SERPING1: variants seen among roughly 807,000 people sequenced by gnomAD.
SERPING1 encodes the protein serpin family G member 1, also known as plasma protease C1 inhibitor.
In SERPING1, 5 loss-of-function variants were observed where a neutral mutation model predicts 34.1. The ratio of observed to expected loss-of-function variants is 0.15; its 90% CI spans 0.08 to 0.31. The LOEUF is 0.31. Ranked by LOEUF, SERPING1 falls within the 10% of genes least tolerant of loss-of-function variation. SERPING1 has a pLI of 1.00. For synonymous variants in SERPING1, 225 were observed against 242.4 expected (o/e 0.93, Z 0.67); for missense variants, 505 against 609.5 (o/e 0.83, Z 1.81).
chr11:57,613,185 A>G (rs1945500413), intron 7 of SERPING1, among the ~76,000 whole-genome samples: 1 of 152,206 alleles, frequency 6.6e-6, no homozygotes. Flanking sequence ...TTTTCATTCA[A>G]CACTTCTGGC....
At chr11:57,599,073 A>T (rs1945318440) in intron 2 of SERPING1, among the ~76,000 whole-genome samples, 1 of 151,946 alleles carries the variant, frequency 6.6e-6, no homozygotes, top group Non-Finnish European at 1.5e-5. Context: ...ACTAGTTAAT[A>T]TGTGTCGGTA....
intron 5 of SERPING1, 82 bp from the exon 6 acceptor site, chr11:57,606,326 A>C: frequency 6.3e-7 from 1 of 1,599,050 alleles, no homozygotes; most frequent in Non-Finnish European, 8.6e-7. Context: ...TCCCTGCACT[A>C]CTCTTTGCTA....
chr11:57,599,764 T>G, intron 2 of SERPING1, 115 bp from the exon 3 acceptor site: 1 of 1,450,880 alleles, frequency 6.9e-7, no homozygotes, highest in South Asian at 1.2e-5. Flanking sequence ...TGTCAGAAAT[T>G]ACTCTCTTGT....
chr11:57,606,906 C>A, intron 6 of SERPING1: 1 of 512,038 alleles, frequency 2.0e-6, no homozygotes, highest in Non-Finnish European at 3.8e-6. Context: ...CTGTGTACAG[C>A]ATACATATAC....
chr11:57,603,565 G>T (rs35382428), intron 4 of SERPING1, among the ~76,000 whole-genome samples: 1 of 150,952 alleles, frequency 6.6e-6, no homozygotes, highest in African/African-American at 2.4e-5. Flanking sequence ...AAGGCCGGGC[G>T]CGGTGGCTCA....
rs778966956 is a variant in SERPING1, at chr11:57,600,018, G to C, written c.191G>C (p.Ser64Thr). The C allele has an allele frequency of 9.3e-6, 15 of 1,614,110 alleles. No individual in the cohort carries two copies. The South Asian group carries it at 1.3e-4, about 14-fold the overall frequency. The change falls in exon 3 of 8, where the codon AGC becomes ACC. Residue 64 changes from serine (S) to threonine (T), a missense_variant. Ser to Thr is a moderately conservative substitution (Grantham distance 58). Coordinates refer to ENST00000278407, the MANE Select transcript of SERPING1 (RefSeq NM_000062.3). ...LFVEPILEVS[S>T]LPTTNSTTNS... is the part of the protein sequence containing the mutation. ...GTTGAACCCATCCTGGAGGTTTCCA[G>C]CTTGCCGACAACCAACTCAACAACC...
chr11:57,608,973 G>T (rs1366784254), intron 6 of SERPING1, among the ~76,000 whole-genome samples: 2 of 152,110 alleles, frequency 1.3e-5, no homozygotes, highest in African/African-American at 4.8e-5. Context: ...AGCTGAACTT[G>T]CTACATTAAG....
At chr11:57,606,780 A>G (rs1945415092) in intron 6 of SERPING1, 3 of 693,632 alleles carry the variant, frequency 4.3e-6, no homozygotes, top group Non-Finnish European at 7.9e-6. Flanking sequence ...ATGCATCTCT[A>G]CTATATTGAA....
intron 6 of SERPING1, 81 bp downstream of exon 6, chr11:57,606,628 T>G (rs1945413361): frequency 7.1e-7 from 1 of 1,407,426 alleles, no homozygotes; most frequent in Non-Finnish European, 1.0e-6. Context: ...CCCATCATTT[T>G]GGGGTACATG....
At chr11:57,602,611 T>C (rs755571358) in intron 4 of SERPING1, among the ~76,000 whole-genome samples, 7 of 151,170 alleles carry the variant, frequency 4.6e-5, no homozygotes, top group Non-Finnish European at 1.0e-4. Context: ...AAAAATTAGC[T>C]GGGCATGGTG....
chr11:57,608,086 G>A (rs1345698998), intron 6 of SERPING1, among the ~76,000 whole-genome samples: 5 of 152,204 alleles, frequency 3.3e-5, no homozygotes, highest in African/African-American at 7.2e-5. Context: ...AGGACAGCCT[G>A]TATAAGGCAC....
At chr11:57,604,557 T>C (rs1945387228) in intron 4 of SERPING1, among the ~76,000 whole-genome samples, 1 of 152,106 alleles carries the variant, frequency 6.6e-6, no homozygotes, top group South Asian at 2.1e-4. Flanking sequence ...GTCCATTTTA[T>C]ATTGTGGGCT....
intron 5 of SERPING1, 84 bp downstream of exon 5, chr11:57,606,297 C>G: frequency 6.3e-7 from 1 of 1,597,566 alleles, no homozygotes; most frequent in East Asian, 2.2e-5. Context: ...ACCCCAAGTT[C>G]TACAATCGGA....
At position 57,606,567 on chromosome 11, in the gene SERPING1, T is replaced by A; in HGVS notation, c.1029+20T>A. 1 of 1,613,828 alleles carries A rather than the reference T, an allele frequency of 6.2e-7. No individual in the cohort carries two copies. The highest frequency in any genetic ancestry group is 1.1e-5 in the South Asian group (1 of 91,084). ...GCCAAGGTAAGTTCTTAACCTTTCC[T>A]TCTCCTGTTTGAAACCTACTTGAGT... On this transcript the variant is annotated intron_variant, in intron 6 of 7. Transcript: ENST00000278407.
At chr11:57,608,788 C>G (rs1284617403) in intron 6 of SERPING1, among the ~76,000 whole-genome samples, 4 of 150,236 alleles carry the variant, frequency 2.7e-5, no homozygotes, top group Non-Finnish European at 5.9e-5. Context: ...GCTGGCATTA[C>G]AGGCGTGAGC....
chr11:57,613,413 T>C (rs1356850780), intron 7 of SERPING1, among the ~76,000 whole-genome samples: 2 of 152,178 alleles, frequency 1.3e-5, no homozygotes, highest in African/African-American at 2.4e-5. Flanking sequence ...CAGCTATAAT[T>C]TGGAGATTCC....
chr11:57,603,736 G>A (rs1357690303), intron 4 of SERPING1, among the ~76,000 whole-genome samples: 1 of 150,276 alleles, frequency 6.7e-6, no homozygotes, highest in African/African-American at 2.4e-5. Context: ...CTACTTGGGA[G>A]GCTGAGGCAG....
Position 57,605,869 on chromosome 11 carries a change from G to A in SERPING1, c.686-141G>A, listed in dbSNP as rs758982429. 6.0e-6 allele frequency: 5 copies of A among 828,264 alleles called. No individual in the cohort carries two copies. The Admixed American group carries it at 8.8e-5, about 15-fold the overall frequency. 51.3% of individuals were successfully genotyped at this position (828,264 alleles called of 1,614,324 possible). A position where few individuals can be genotyped will look rare whatever the true frequency, so the allele number is the denominator to read the frequency against. ...CTTATTTGCCACATCTGTAAGAGGA[G>A]TGGGCTGGACCGCGCTCCACCATGC... On this transcript the variant is annotated intron_variant, in intron 4 of 7. Coordinates refer to ENST00000278407, the MANE Select transcript of SERPING1 (RefSeq NM_000062.3).
chr11:57,609,823 T>C (rs1002293849), intron 6 of SERPING1, among the ~76,000 whole-genome samples: 7 of 152,220 alleles, frequency 4.6e-5, no homozygotes, highest in African/African-American at 1.7e-4. Context: ...TGGAGTACAG[T>C]GACACAATCC....
Sources: gnomAD v4.1 joint callset for allele counts (sites outside exome capture counted in the v4.1 genomes callset) on GRCh38, gnomAD v4.1.1 for gene constraint, MANE v1.5 for transcripts, NCBI Gene and HGNC (gene_info 2026-07-23, HGNC 2026-07-21) for gene names.